The following SEMA6A variants were observed in gnomAD, a reference collection of about 807,000 sequenced individuals.
The protein encoded by SEMA6A is semaphorin-6A.
Under a neutral mutation model 96.8 loss-of-function variants are expected in SEMA6A, and 25 were observed. That is an observed-to-expected ratio of 0.26 (90% CI 0.19 to 0.36). The LOEUF (loss-of-function observed/expected upper bound fraction) is 0.36. Ranked by LOEUF, SEMA6A falls within the 10% of genes least tolerant of loss-of-function variation. SEMA6A has a pLI of 1.00. For synonymous variants in SEMA6A, 612 were observed against 518.0 expected (o/e 1.18, Z -2.46); for missense variants, 1,363 against 1,323.1 (o/e 1.03, Z -0.47).
At chr5:116,472,301 A>G (rs995310102) in intron 17 of SEMA6A, 6 of 152,272 alleles carry the variant, frequency 3.9e-5, no homozygotes, top group African/African-American at 1.4e-4. Context: ...CTGTTTGCAC[A>G]TCATTTCCAC....
intron 18 of SEMA6A, among the ~76,000 whole-genome samples, chr5:116,461,241 G>A (rs574749996): frequency 2.0e-5 from 3 of 151,958 alleles, no homozygotes; most frequent in East Asian, 1.9e-4. Flanking sequence ...CTATCTCTTC[G>A]CGTTCCTTGC....
intron 3 of SEMA6A, chr5:116,498,942 G>T (rs978828683): frequency 6.6e-6 from 1 of 152,080 alleles, no homozygotes; most frequent in Non-Finnish European, 1.5e-5. Flanking sequence ...CCCCCTTTTG[G>T]CATGGCCTGT....
intron 18 of SEMA6A, chr5:116,449,192 C>T (rs1754471705): frequency 3.3e-6 from 2 of 602,860 alleles, no homozygotes; most frequent in Non-Finnish European, 3.0e-6. Context: ...AAAATAAAAT[C>T]TCTAATACCT....
chr5:116,536,225 C>G (rs1759699915), intron 1 of SEMA6A: 1 of 152,038 alleles, frequency 6.6e-6, no homozygotes, highest in African/African-American at 2.4e-5. Flanking sequence ...ATTGGATTAG[C>G]CTTCTGGTAT....
chr5:116,471,624 T>G (rs1476154924), intron 17 of SEMA6A: 1 of 152,182 alleles, frequency 6.6e-6, no homozygotes, highest in Non-Finnish European at 1.5e-5. Flanking sequence ...CAATCATAGA[T>G]GAGGGAACAT....
At chr5:116,523,814 C>G (rs1006875793) in intron 1 of SEMA6A, among the ~76,000 whole-genome samples, 3 of 152,098 alleles carry the variant, frequency 2.0e-5, no homozygotes, top group Non-Finnish European at 4.4e-5. Context: ...CCAGGTGATT[C>G]TAGTGAGTAG....
At chr5:116,496,338 A>G (rs371592068) in intron 4 of SEMA6A, 25 bp from the exon 5 acceptor site, 34 of 1,606,542 alleles carry the variant, frequency 2.1e-5, no homozygotes, top group East Asian at 4.5e-5. Flanking sequence ...AAAGAAATCA[A>G]TTAGAGCCCA....
intron 16 of SEMA6A, among the ~76,000 whole-genome samples, chr5:116,474,448 C>G (rs79465628): frequency 9.2e-5 from 14 of 152,106 alleles, no homozygotes; most frequent in Non-Finnish European, 1.9e-4. Flanking sequence ...GACACTTCTC[C>G]TATGCTTATT....
intron 1 of SEMA6A, among the ~76,000 whole-genome samples, chr5:116,553,209 C>T (rs1422940593): frequency 3.3e-5 from 5 of 152,172 alleles, no homozygotes; most frequent in Non-Finnish European, 7.4e-5. Context: ...GTTTTATTAA[C>T]ATATTCACTT....
intron 17 of SEMA6A, among the ~76,000 whole-genome samples, chr5:116,470,434 A>G (rs1158237790): frequency 6.6e-6 from 1 of 152,250 alleles, no homozygotes; most frequent in Non-Finnish European, 1.5e-5. Context: ...TATCATTCTC[A>G]TAAAATACAA....
chr5:116,532,186 G>A (rs1366653942), intron 1 of SEMA6A, among the ~76,000 whole-genome samples: 1 of 152,138 alleles, frequency 6.6e-6, no homozygotes, highest in African/African-American at 2.4e-5. Context: ...CCAACCTCCT[G>A]AGTCAACACC....
In SEMA6A at chr5:116,559,265, C is replaced by A. The variant is rs147026341; in HGVS notation, c.-39+14920G>T. Among the ~76,000 whole-genome samples, 733 of 152,302 alleles carry A rather than the reference C, an allele frequency of 4.8e-3. 4 individuals are homozygous for A. The highest frequency in any genetic ancestry group is 0.02 in the Middle Eastern group (6 of 294). ...AGGACTAGTGAAAGATTCTCTCCCC[C>A]AGCCTGGAAGCTTGGGGGGATGAAT... On this transcript the variant is annotated intron_variant, in intron 1 of 18. Coordinates refer to ENST00000343348, the MANE Select transcript of SEMA6A (RefSeq NM_020796.5).
chr5:116,475,708 G>T, intron 15 of SEMA6A, 105 bp from the exon 16 acceptor site: 1 of 731,738 alleles, frequency 1.4e-6, no homozygotes, highest in Non-Finnish European at 2.2e-6. Context: ...TTGATAAATT[G>T]AGTGGCAGGT....
At position 116,487,993 on chromosome 5, in the gene SEMA6A, A is replaced by C. The variant is rs997180072; in HGVS notation, c.744+115T>G. The stretch of plus-strand genomic sequence containing the variant: ...ACAGCAGATAGGGCCTCCAGACCGC[A>C]CTCTGTTATTAGATTTATGGCTCTC... On this transcript the variant is annotated intron_variant, in intron 9 of 18. Transcript: ENST00000343348. 6 of 623,570 alleles carry C rather than the reference A, an allele frequency of 9.6e-6. No homozygotes were observed. The Admixed American group carries it at 1.8e-4, about 19-fold the overall frequency. The allele number at this position is 623,570 out of a possible 1,614,324, so 38.6% of individuals were successfully genotyped here. A position where few individuals can be genotyped will look rare whatever the true frequency, so the allele number is the denominator to read the frequency against.
At chr5:116,556,402 T>C (rs1323519346) in intron 1 of SEMA6A, among the ~76,000 whole-genome samples, 1 of 152,224 alleles carries the variant, frequency 6.6e-6, no homozygotes, top group East Asian at 1.9e-4. Flanking sequence ...ACAAAAACAT[T>C]GAATTTAGCT....
chr5:116,527,492 A>G (rs7730835), intron 1 of SEMA6A, among the ~76,000 whole-genome samples: 4,332 of 152,264 alleles, frequency 0.028, 88 homozygotes, highest in African/African-American at 0.049. Context: ...CAAAACAATG[A>G]TCTTTTATAC....
At chr5:116,511,886 A>G (rs1758421544) in intron 1 of SEMA6A, among the ~76,000 whole-genome samples, 1 of 152,214 alleles carries the variant, frequency 6.6e-6, no homozygotes, top group Non-Finnish European at 1.5e-5. Context: ...AAAGGGTAAG[A>G]AAGAAGTTGC....
At chr5:116,523,377 A>G (rs1188646495) in intron 1 of SEMA6A, among the ~76,000 whole-genome samples, 1 of 152,020 alleles carries the variant, frequency 6.6e-6, no homozygotes, top group Non-Finnish European at 1.5e-5. Context: ...GCAGTGATGC[A>G]ATCTCTGCTC....
At chr5:116,511,137 C>T (rs1440467882) in intron 1 of SEMA6A, among the ~76,000 whole-genome samples, 2 of 152,176 alleles carry the variant, frequency 1.3e-5, no homozygotes, top group Non-Finnish European at 2.9e-5. Flanking sequence ...TGGGGATGCT[C>T]AAGTCCCTTG....
Sources: allele counts gnomAD v4.1 joint callset (sites outside exome capture counted in the v4.1 genomes callset), GRCh38; gene constraint gnomAD v4.1.1; transcripts MANE v1.5; gene names NCBI Gene and HGNC (gene_info 2026-07-23, HGNC 2026-07-21).